Variants in SLC35F2 observed in about 807,000 individuals in gnomAD.
SLC35F2 encodes the protein queuine/queuosine transporter SLC35F2.
SLC35F2 carries 25 observed loss-of-function variants against 38.1 expected under a neutral mutation model. That is an observed-to-expected ratio of 0.66 (90% CI 0.48 to 0.92). The LOEUF (loss-of-function observed/expected upper bound fraction) is 0.92. SLC35F2 is among the 40% of genes least tolerant of loss of function. The pLI is 0.00. For synonymous variants in SLC35F2, 173 were observed against 181.7 expected (o/e 0.95, Z 0.38); for missense variants, 409 against 452.9 (o/e 0.90, Z 0.88).
chr11:107,804,956 T>G, intron 5 of SLC35F2, 186 bp from the exon 6 acceptor site: 1 of 782,496 alleles, frequency 1.3e-6, no homozygotes, highest in Non-Finnish European at 1.6e-6. Flanking sequence ...TTCATAAAGA[T>G]ATGTTTGACT....
intron 1 of SLC35F2, among the ~76,000 whole-genome samples, chr11:107,843,496 GC>G (rs1037013135): frequency 6.6e-6 from 1 of 151,226 alleles, no homozygotes; most frequent in Non-Finnish European, 1.5e-5. Flanking sequence ...ATTACAGTGA[GC>G]CAAGATCGCA....
At chr11:107,841,290 T>C (rs1206362064) in intron 1 of SLC35F2, among the ~76,000 whole-genome samples, 1 of 152,124 alleles carries the variant, frequency 6.6e-6, no homozygotes, top group Non-Finnish European at 1.5e-5. Flanking sequence ...CGGCCGGGTG[T>C]GGCAGCTCAT....
intron 3 of SLC35F2, chr11:107,809,806 A>C (rs1462285370): frequency 1.0e-6 from 1 of 985,226 alleles, no homozygotes; most frequent in Non-Finnish European, 1.2e-6. Flanking sequence ...AGAGTATAGA[A>C]GAGAAAATGA....
chr11:107,852,120 A>G (rs1027119021), intron 1 of SLC35F2, among the ~76,000 whole-genome samples: 1 of 152,084 alleles, frequency 6.6e-6, no homozygotes, highest in Non-Finnish European at 1.5e-5. Context: ...AGACAATAAC[A>G]AGGAGTGTGG....
At chr11:107,804,838 G>A in intron 5 of SLC35F2, 68 bp from the exon 6 acceptor site, 1 of 1,357,136 alleles carries the variant, frequency 7.4e-7, no homozygotes, top group South Asian at 1.3e-5. Context: ...AAGCATTTTA[G>A]TCACTATACT....
At chr11:107,804,676 T>G in intron 6 of SLC35F2, 42 bp downstream of exon 6, 1 of 1,384,816 alleles carries the variant, frequency 7.2e-7, no homozygotes, top group Non-Finnish European at 1.0e-6. Context: ...TTCATTTGTT[T>G]GTTAAAGAAT....
At chr11:107,829,248 A>G (rs11212395) in intron 1 of SLC35F2, among the ~76,000 whole-genome samples, 8,754 of 151,896 alleles carry the variant, frequency 0.058, 519 homozygotes, top group African/African-American at 0.15. Flanking sequence ...GTGAAACCCC[A>G]TCTCTACTAA....
At chr11:107,810,913 T>C in intron 3 of SLC35F2, 2 of 980,448 alleles carry the variant, frequency 2.0e-6, no homozygotes, top group Non-Finnish European at 2.4e-6. Context: ...ATCAAAAAGT[T>C]ATAAACTTCA....
intron 4 of SLC35F2, 131 bp from the exon 5 acceptor site, chr11:107,805,646 TTATGTGTGAGAGTGTG>T (rs1859378983): frequency 6.9e-7 from 1 of 1,452,334 alleles, no homozygotes; most frequent in Middle Eastern, 2.0e-4. Flanking sequence ...TACTAGAAGT[TTATGTGTGAGAGTGTG>T]TGTGTGTGTA....
At chr11:107,807,271 C>CAAAAAAAAAAAAAAAAAAAA (rs201964530) in intron 3 of SLC35F2, among the ~76,000 whole-genome samples, 4 of 70,894 alleles carry the variant, frequency 5.6e-5, no homozygotes, top group South Asian at 6.1e-4. Flanking sequence ...CCTGTCTGTA[C>CAAAAAAAAAAAAAAAAAAAA]AAAAAAAAAA....
Position 107,797,378 on chromosome 11 carries a change from CAGAG to C in SLC35F2, c.940-4582_940-4579del, listed in dbSNP as rs144974847. 5.4e-3 allele frequency among the ~76,000 whole-genome samples: 813 copies of C among 151,758 alleles called. 9 individuals carry two copies. Among genetic ancestry groups the C allele is most frequent in the African/African-American group, 0.018 (762 of 41,394 alleles). Reference sequence around the variant, plus strand: ...GAAGGAGGGGGTGGAAGGAGTGAGACAGAGAGAGAAGAAAAAGCAAGCAAGCTAG... The same window carrying C: ...GAAGGAGGGGGTGGAAGGAGTGAGACAGAGAAGAAAAAGCAAGCAAGCTAG... On this transcript the variant is annotated intron_variant, in intron 7 of 7. Coordinates refer to ENST00000525815, the MANE Select transcript of SLC35F2 (RefSeq NM_017515.5).
At chr11:107,844,580 C>A (rs981682509) in intron 1 of SLC35F2, among the ~76,000 whole-genome samples, 8 of 150,570 alleles carry the variant, frequency 5.3e-5, no homozygotes, top group African/African-American at 2.0e-4. Flanking sequence ...TGAGATCGCC[C>A]CACTGCACTC....
chr11:107,855,608 C>T lies in SLC35F2; in HGVS notation c.110+3050G>A, dbSNP rs146058831. On this transcript the variant is annotated intron_variant, in intron 1 of 7. Coordinates refer to ENST00000525815, the MANE Select transcript of SLC35F2 (RefSeq NM_017515.5). ...CGGAGGTTGCGGTGAGCCGAGATCGCGCCATTGAACTCCAGCCTGGGCAAC... is the reference window on the plus strand; with the variant it reads ...CGGAGGTTGCGGTGAGCCGAGATCGTGCCATTGAACTCCAGCCTGGGCAAC... Among the ~76,000 whole-genome samples the T allele has an allele frequency of 5.1e-3, 752 of 148,596 alleles. 5 individuals are homozygous for T. The highest frequency in any genetic ancestry group is 0.016 in the African/African-American group (660 of 40,218).
At chr11:107,825,666 G>A (rs930383355) in intron 1 of SLC35F2, among the ~76,000 whole-genome samples, 4 of 152,160 alleles carry the variant, frequency 2.6e-5, no homozygotes, top group South Asian at 2.1e-4. Flanking sequence ...CACCGCGCCC[G>A]ACCTGAGATT....
At chr11:107,844,576 C>G (rs991459916) in intron 1 of SLC35F2, among the ~76,000 whole-genome samples, 4 of 151,174 alleles carry the variant, frequency 2.6e-5, no homozygotes, top group African/African-American at 9.7e-5. Context: ...GAACTGAGAT[C>G]GCCCCACTGC....
rs1314316878 is a variant in SLC35F2 at position 107,858,783 on chromosome 11, T to C, written c.-16A>G. The C allele has an allele frequency of 8.0e-7, 1 of 1,252,220 alleles. No individual in the cohort carries two copies. The highest frequency in any genetic ancestry group is 2.3e-4 in the Middle Eastern group (1 of 4,408). 77.6% of individuals were successfully genotyped at this position (1,252,220 alleles called of 1,614,324 possible). A position where few individuals can be genotyped will look rare whatever the true frequency, so the allele number is the denominator to read the frequency against. ...CTGCCTCCATCGGCGCCCTTGCGCG[T>C]CTCCGGCGCCCAAAACCCCCGAAGT... On this transcript the variant is annotated 5_prime_UTR_variant, in exon 1 of 8. Transcript: ENST00000525815.
chr11:107,810,785 G>A, intron 3 of SLC35F2: 1 of 980,368 alleles, frequency 1.0e-6, no homozygotes, highest in Non-Finnish European at 1.2e-6. Context: ...AAAATACTGA[G>A]TTCTCATCAA....
chr11:107,797,052 G>T (rs576631964), intron 7 of SLC35F2, among the ~76,000 whole-genome samples: 29 of 152,260 alleles, frequency 1.9e-4, no homozygotes, highest in Non-Finnish European at 3.5e-4. Context: ...AGAGTAGGTT[G>T]ACTACAGTTG....
chr11:107,855,592 C>T (rs143064514), intron 1 of SLC35F2, among the ~76,000 whole-genome samples: 150 of 151,388 alleles, frequency 9.9e-4, no homozygotes, highest in African/African-American at 3.3e-3. Flanking sequence ...GCGGAGGTTG[C>T]GGTGAGCCGA....
Sources: gnomAD v4.1 joint callset for allele counts (sites outside exome capture counted in the v4.1 genomes callset) on GRCh38, gnomAD v4.1.1 for gene constraint, MANE v1.5 for transcripts, NCBI Gene and HGNC (gene_info 2026-07-23, HGNC 2026-07-21) for gene names.